C21orf91: variants seen among roughly 807,000 people sequenced by gnomAD.
C21orf91 encodes protein EURL homolog.
C21orf91 carries 26 observed loss-of-function variants against 32.9 expected under a neutral mutation model. That is an observed-to-expected ratio of 0.79 (90% CI 0.58 to 1.10). C21orf91 has a LOEUF of 1.10. Among genes scored for constraint, C21orf91 ranks in the 50% least tolerant of loss-of-function variants. The probability of loss-of-function intolerance (pLI) is 0.00; values close to 1 mark genes in which losing one functional copy is unlikely to be tolerated. For missense variants in C21orf91, 310 were observed against 341.3 expected (o/e 0.91, Z 0.72); for synonymous variants, 126 against 120.4 (o/e 1.05, Z -0.31).
chr21:17,801,150 C>A (rs983020957), intron 2 of C21orf91, among the ~76,000 whole-genome samples: 1 of 152,014 alleles, frequency 6.6e-6, no homozygotes, highest in Admixed American at 6.5e-5. Context: ...GGAACCAACA[C>A]AAATGCCCAT....
chr21:17,796,533 C>G (rs1215884883), intron 3 of C21orf91, 49 bp downstream of exon 3: 1 of 1,460,156 alleles, frequency 6.8e-7, no homozygotes. Context: ...TACAAATGTA[C>G]AAAAATCCCA....
Position 17,789,914 on chromosome 21 carries a change from A to G in C21orf91, c.*3501T>C, listed in dbSNP as rs2062459915. ...TTTCCTCAAATAGTTACTCCCACCA[A>G]CGTAAAAGTTAAAAATACAATCATA... On this transcript the variant is annotated 3_prime_UTR_variant, in exon 5 of 5. Coordinates refer to ENST00000284881, the MANE Select transcript of C21orf91 (RefSeq NM_001100420.2). 6.6e-6 allele frequency: 1 copy of G among 152,100 alleles called. No individual in the cohort carries two copies. Among genetic ancestry groups the G allele is most frequent in the South Asian group, 2.1e-4 (1 of 4,832 alleles). 9.4% of individuals were successfully genotyped at this position (152,100 alleles called of 1,614,324 possible).
In C21orf91 at chr21:17,793,300, T is replaced by C. The variant is rs113939661; in HGVS notation, c.*115A>G. ...AAAGATGTTAAATACTGCCTTATGT[T>C]TGGCAAATTTAATGACCATAAAAAA... is the stretch of plus-strand genomic sequence containing the variant. On this transcript the variant is annotated 3_prime_UTR_variant, in exon 5 of 5. Coordinates refer to ENST00000284881, the MANE Select transcript of C21orf91 (RefSeq NM_001100420.2). The C allele has an allele frequency of 2.6e-3, 1,735 of 668,966 alleles. 25 individuals carry two copies. In the African/African-American group the frequency reaches 0.028, roughly 11 times the overall value. 41.4% of individuals were successfully genotyped at this position (668,966 alleles called of 1,614,324 possible).
chr21:17,794,010 C>T (rs752645534), intron 4 of C21orf91, among the ~76,000 whole-genome samples: 12 of 152,222 alleles, frequency 7.9e-5, no homozygotes, highest in Admixed American at 3.3e-4. Context: ...CCTACTCTTA[C>T]GTGCCTCAGG....
intron 3 of C21orf91, among the ~76,000 whole-genome samples, chr21:17,795,782 T>C (rs2146246040): frequency 6.6e-6 from 1 of 152,286 alleles, no homozygotes; most frequent in Admixed American, 6.5e-5. Flanking sequence ...CAGAAACATA[T>C]TTTTTATCAC....
chr21:17,796,090 T>G, intron 3 of C21orf91, among the ~76,000 whole-genome samples: 1 of 152,192 alleles, frequency 6.6e-6, no homozygotes, highest in Non-Finnish European at 1.5e-5. Context: ...TAAAATCACC[T>G]CAGCTTCTGT....
At chr21:17,812,217 T>C (rs541859790) in intron 2 of C21orf91, among the ~76,000 whole-genome samples, 100 of 152,312 alleles carry the variant, frequency 6.6e-4, no homozygotes, top group African/African-American at 2.3e-3. Context: ...CTACTTTCAC[T>C]CTCACCCATC....
chr21:17,816,585 C>T (rs1026516786), intron 2 of C21orf91, among the ~76,000 whole-genome samples: 1 of 152,228 alleles, frequency 6.6e-6, no homozygotes, highest in African/African-American at 2.4e-5. Flanking sequence ...CCAGGACCAA[C>T]AGTTATGAGC....
intron 2 of C21orf91, among the ~76,000 whole-genome samples, chr21:17,804,373 G>A (rs2062581813): frequency 6.6e-6 from 1 of 152,170 alleles, no homozygotes; most frequent in Admixed American, 6.5e-5. Flanking sequence ...TTTATCAGTT[G>A]TCCTAGGTGT....
In C21orf91 at chr21:17,793,575, A is replaced by C. The variant is rs1427621177; in HGVS notation, c.734T>G (p.Phe245Cys). Residue 245 changes from phenylalanine (F) to cysteine (C), a missense_variant, in exon 5 of 5, where the codon TTT (phenylalanine) becomes TGT (cysteine). Transcript: ENST00000284881. ...TTGCACTTGGTGAGTTAACTCTTCA[A>C]AAACTTCTGTAAAAGATTTAAAAAC... ...AKLLQQIQEVFEELTHQVQEK... is the reference protein window; with the variant it reads ...AKLLQQIQEVCEELTHQVQEK... 1.2e-6 allele frequency: 2 copies of C among 1,605,164 alleles called. No individual in the cohort carries two copies. Among genetic ancestry groups the C allele is most frequent in the Non-Finnish European group, 1.7e-6 (2 of 1,175,318 alleles).
intron 1 of C21orf91, chr21:17,819,047 G>A (rs953278680): frequency 6.6e-6 from 1 of 152,210 alleles, no homozygotes; most frequent in African/African-American, 2.4e-5. Flanking sequence ...GAAAGCGTCC[G>A]AGGGCCACGG....
chr21:17,818,278 T>A lies in C21orf91; in HGVS notation c.41A>T (p.Asp14Val). The A allele has an allele frequency of 1.2e-6, 2 of 1,611,996 alleles. No individual in the cohort carries two copies. Among genetic ancestry groups the A allele is most frequent in the Non-Finnish European group, 1.7e-6 (2 of 1,178,234 alleles). The stretch of plus-strand genomic sequence containing the variant: ...TTTACAAACACTGCAAATGTTGTCA[T>A]CATTCAAATCAATGTTTACAAACTG... ...EEQFVNIDLN[D>V]DNICSVCKLG... Residue 14 changes from aspartate to valine, a missense_variant, in exon 2 of 5, where the codon GAT becomes GTT. Physicochemically the swap from Asp to Val is radical, Grantham distance 152 (BLOSUM62 -3). Coordinates refer to ENST00000284881, the MANE Select transcript of C21orf91 (RefSeq NM_001100420.2).
intron 2 of C21orf91, among the ~76,000 whole-genome samples, chr21:17,802,895 G>A (rs1229502757): frequency 6.6e-6 from 1 of 152,200 alleles, no homozygotes; most frequent in Non-Finnish European, 1.5e-5. Context: ...CCAACCAAAG[G>A]ACTGGCTTTA....
At chr21:17,796,107 T>C (rs1268606439) in intron 3 of C21orf91, among the ~76,000 whole-genome samples, 2 of 152,228 alleles carry the variant, frequency 1.3e-5, no homozygotes, top group Non-Finnish European at 2.9e-5. Flanking sequence ...CTGTAAATTT[T>C]TGTAGAAATA....
chr21:17,818,272 T>A lies in C21orf91; in HGVS notation c.47A>T (p.Asn16Ile), dbSNP rs1288846929. ...QFVNIDLNDD[N>I]ICSVCKLGTD... ...TCCCAGTTTACAAACACTGCAAATGTTGTCATCATTCAAATCAATGTTTAC... is the reference window on the plus strand; with the variant it reads ...TCCCAGTTTACAAACACTGCAAATGATGTCATCATTCAAATCAATGTTTAC... Residue 16 changes from asparagine (N) to isoleucine (I), a missense_variant, in exon 2 of 5, where the codon AAC becomes ATC. By Grantham distance (149) the Asn-to-Ile change is moderately radical. Transcript: ENST00000284881. 3.1e-6 allele frequency: 5 copies of A among 1,611,838 alleles called. No homozygotes were observed. The highest frequency in any genetic ancestry group is 4.2e-6 in the Non-Finnish European group (5 of 1,178,162).
intron 3 of C21orf91, 30 bp from the exon 4 acceptor site, chr21:17,795,300 C>G (rs188681955): frequency 6.8e-7 from 1 of 1,462,042 alleles, no homozygotes; most frequent in African/African-American, 1.4e-5. Flanking sequence ...TCACTATTAC[C>G]ACAACAACCT....
chr21:17,796,588 C>T lies in C21orf91; in HGVS notation c.658G>A (p.Glu220Lys). 5.6e-6 allele frequency: 9 copies of T among 1,601,872 alleles called. No homozygotes were observed. The highest frequency in any genetic ancestry group is 7.7e-6 in the Non-Finnish European group (9 of 1,173,534). The change falls in exon 3 of 5, where the codon GAG becomes AAG. Residue 220 changes from glutamate to lysine, a missense_variant. Coordinates refer to ENST00000284881, the MANE Select transcript of C21orf91 (RefSeq NM_001100420.2). ...TTCTCCCCATTTTACTTACATTCCT[C>T]TCTGCTGTAATGTGGATGCTGGGTC... ...VQTQHPHYSR[E>K]ELNSMTLGEV...
At chr21:17,803,323 G>C (rs1158905209) in intron 2 of C21orf91, among the ~76,000 whole-genome samples, 2 of 152,166 alleles carry the variant, frequency 1.3e-5, no homozygotes, top group Non-Finnish European at 2.9e-5. Context: ...GAATTTGAGA[G>C]TCGTCTGGGC....
At chr21:17,809,552 T>C (rs1402328897) in intron 2 of C21orf91, among the ~76,000 whole-genome samples, 2 of 152,218 alleles carry the variant, frequency 1.3e-5, no homozygotes, top group Non-Finnish European at 2.9e-5. Context: ...AGGACAGATA[T>C]TAAAAATGTC....
Sources: allele counts gnomAD v4.1 joint callset (sites outside exome capture counted in the v4.1 genomes callset), GRCh38; gene constraint gnomAD v4.1.1; transcripts MANE v1.5; gene names NCBI Gene and HGNC (gene_info 2026-07-23, HGNC 2026-07-21).